Variants in MYO10 observed in about 807,000 individuals in gnomAD.
The protein encoded by MYO10 is unconventional myosin-X.
MYO10 carries 133 observed loss-of-function variants against 257.3 expected under a neutral mutation model. The observed-to-expected ratio is 0.52, with a 90% CI of 0.45 to 0.60. MYO10 has a LOEUF of 0.60. MYO10 is among the 20% of genes least tolerant of loss of function. The probability of loss-of-function intolerance (pLI) is 0.00; values close to 1 mark genes in which losing one functional copy is unlikely to be tolerated. For synonymous variants in MYO10, 1,104 were observed against 1,028.6 expected (o/e 1.07, Z -1.40); for missense variants, 2,399 against 2,635.7 (o/e 0.91, Z 1.97).
At chr5:16,845,546 A>G (rs927341211) in intron 2 of MYO10, among the ~76,000 whole-genome samples, 1 of 152,106 alleles carries the variant, frequency 6.6e-6, no homozygotes, top group Non-Finnish European at 1.5e-5. Flanking sequence ...CCACACTTAG[A>G]GTCCCAGCTA....
chr5:16,736,912 G>T (rs1435855961), intron 19 of MYO10, among the ~76,000 whole-genome samples: 3 of 152,080 alleles, frequency 2.0e-5, no homozygotes, highest in Non-Finnish European at 4.4e-5. Flanking sequence ...CTACTTATGT[G>T]TTATAATAAC....
At position 16,668,332 on chromosome 5, in the gene MYO10, G is replaced by A. The variant is rs761944829; in HGVS notation, c.6020C>T (p.Ala2007Val). 9.3e-6 allele frequency: 15 copies of A among 1,613,874 alleles called. No individual in the cohort carries two copies. Among genetic ancestry groups the A allele is most frequent in the East Asian group, 4.5e-5 (2 of 44,872 alleles). Residue 2007 changes from alanine (A) to valine (V), a missense_variant, in exon 40 of 41, where the codon GCG (alanine) becomes GTG (valine). Transcript: ENST00000513610. The stretch of plus-strand genomic sequence containing the variant: ...ATCGACCACGATCTTATACGTATTC[G>A]CCAGGGGTGCCCCAAAAGAGAGGAT... The part of the protein sequence containing the change: ...EHILSFGAPL[A>V]NTYKIVVDER...
At position 16,670,793 on chromosome 5, in the gene MYO10, G is replaced by C; in HGVS notation, c.5616C>G (p.Thr1872=). The C allele has an allele frequency of 1.2e-6, 2 of 1,614,030 alleles. No homozygotes were observed. The highest frequency in any genetic ancestry group is 1.7e-6 in the Non-Finnish European group (2 of 1,179,904). Residue 1872 remains threonine, a synonymous_variant, in exon 39 of 41, where the codon ACC becomes ACG. Transcript: ENST00000513610. ...ARISQSTKTF[T]PCERLEKRRT... ...GCCTCTTCTCCAGCCGTTCACAAGG[G>C]GTGAAGGTTTTGGTTGACTGGCTGA...
At chr5:16,707,098 G>A (rs1738380207) in intron 21 of MYO10, among the ~76,000 whole-genome samples, 2 of 152,164 alleles carry the variant, frequency 1.3e-5, no homozygotes, top group African/African-American at 4.8e-5. Flanking sequence ...TTAAAAAGGG[G>A]AGTTGCCCTG....
At chr5:16,831,915 C>T (rs1348280620) in intron 2 of MYO10, among the ~76,000 whole-genome samples, 1 of 151,994 alleles carries the variant, frequency 6.6e-6, no homozygotes, top group African/African-American at 2.4e-5. Flanking sequence ...TAATGTGTGG[C>T]AAGTTTATAG....
At chr5:16,782,746 A>G (rs1176250581) in intron 5 of MYO10, among the ~76,000 whole-genome samples, 2 of 152,196 alleles carry the variant, frequency 1.3e-5, no homozygotes, top group African/African-American at 4.8e-5. Flanking sequence ...CAAACCATCT[A>G]TCAGGCAATG....
At chr5:16,785,965 G>A (rs574067833) in intron 4 of MYO10, among the ~76,000 whole-genome samples, 8 of 152,126 alleles carry the variant, frequency 5.3e-5, no homozygotes, top group South Asian at 2.1e-4. Flanking sequence ...TGAGCCATGG[G>A]GCTATCAGCC....
chr5:16,787,239 C>G (rs142560077), intron 4 of MYO10, among the ~76,000 whole-genome samples: 1 of 152,098 alleles, frequency 6.6e-6, no homozygotes, highest in Non-Finnish European at 1.5e-5. Flanking sequence ...GGAAAGCAGC[C>G]TCACATAATT....
intron 3 of MYO10, chr5:16,815,584 C>G (rs967599809): frequency 3.2e-6 from 2 of 630,398 alleles, no homozygotes; most frequent in African/African-American, 3.7e-5. Context: ...CTACCAGGTG[C>G]CTGGCAGTGT....
chr5:16,775,992 C>T (rs1741199785), intron 9 of MYO10, among the ~76,000 whole-genome samples: 1 of 152,056 alleles, frequency 6.6e-6, no homozygotes, highest in South Asian at 2.1e-4. Flanking sequence ...ATCTCCCAGA[C>T]TCAAGCCATC....
chr5:16,775,118 T>C (rs901386727), intron 9 of MYO10, among the ~76,000 whole-genome samples: 1 of 152,138 alleles, frequency 6.6e-6, no homozygotes, highest in Non-Finnish European at 1.5e-5. Flanking sequence ...ATGCAAGCAA[T>C]AAAATAAACC....
At chr5:16,710,337 T>C (rs1041867147) in intron 21 of MYO10, among the ~76,000 whole-genome samples, 63 of 152,230 alleles carry the variant, frequency 4.1e-4, no homozygotes, top group African/African-American at 1.5e-3. Flanking sequence ...TAATTTTTTA[T>C]GTTCAGGCCC....
intron 2 of MYO10, among the ~76,000 whole-genome samples, chr5:16,835,291 T>C (rs2126721573): frequency 6.6e-6 from 1 of 151,898 alleles, no homozygotes; most frequent in Non-Finnish European, 1.5e-5. Flanking sequence ...ATCCCAGCAC[T>C]TTGAGATAGG....
Position 16,681,338 on chromosome 5 carries a change from GGGACGA to G in MYO10, c.4349_4354del (p.Val1450_Pro1452delinsAla). ...CTCTTTGAATATCTTCTCATCTGGG[GGGACGA>G]CAGAGCAGAGGCTGTTGAGGACCAG... On this transcript the variant is annotated inframe_deletion, in exon 32 of 41. Transcript: ENST00000513610. 3.7e-6 allele frequency: 6 copies of G among 1,612,990 alleles called. No individual in the cohort carries two copies. Among genetic ancestry groups the G allele is most frequent in the Non-Finnish European group, 5.1e-6 (6 of 1,179,666 alleles).
Position 16,670,849 on chromosome 5 carries a change from C to G in MYO10, c.5560G>C (p.Val1854Leu). Residue 1854 changes from valine (V) to leucine (L), a missense_variant, in exon 39 of 41, where the codon GTT (valine) becomes CTT (leucine). Physicochemically the swap from Val to Leu is conservative, Grantham distance 32. Transcript: ENST00000513610. ...LHAAIPPLEEVYSLQRLKARI... is the reference protein window; with the variant it reads ...LHAAIPPLEELYSLQRLKARI... The stretch of plus-strand genomic sequence containing the variant: ...GCCTTGAGTCTCTGCAGGGAATAAA[C>G]CTCTTCGAGAGGTGGGATGGCAGCG... 1 of 1,613,956 alleles carries G rather than the reference C, an allele frequency of 6.2e-7. No homozygotes were observed. Among genetic ancestry groups the G allele is most frequent in the Non-Finnish European group, 8.5e-7 (1 of 1,179,894 alleles).
chr5:16,893,196 C>CAAACA (rs538239809), intron 1 of MYO10, among the ~76,000 whole-genome samples: 2 of 69,614 alleles, frequency 2.9e-5, no homozygotes, highest in Non-Finnish European at 5.3e-5. Context: ...GACTCTGTCT[C>CAAACA]AAAAAAAAAA....
rs529064478 is a variant in MYO10, at chr5:16,710,911, G to T, written c.2166C>A (p.Thr722=). 3.7e-6 allele frequency: 6 copies of T among 1,612,958 alleles called. No individual in the cohort carries two copies. In the East Asian group the frequency reaches 1.3e-4, roughly 36 times the overall value. The change falls in exon 21 of 41, where the codon ACC becomes ACA. Residue 722 remains threonine, a synonymous_variant. Coordinates refer to ENST00000513610, the MANE Select transcript of MYO10 (RefSeq NM_012334.3). ...ASNSEWQLGK[T]KVFLRESLEQ... is the part of the protein sequence containing the mutation. ...TTGCTCTTTCTCCGCATCGTACCTT[G>T]GTCTTCCCCAGCTGCCACTCGCTGT... is the stretch of plus-strand genomic sequence containing the variant.
intron 19 of MYO10, among the ~76,000 whole-genome samples, chr5:16,731,968 T>C (rs548839429): frequency 6.6e-6 from 1 of 151,614 alleles, no homozygotes; most frequent in South Asian, 2.1e-4. Flanking sequence ...GGAAAGAAAA[T>C]GAGGAAATTC....
At chr5:16,778,692 T>A (rs1350354719) in intron 9 of MYO10, among the ~76,000 whole-genome samples, 2 of 15,016 alleles carry the variant, frequency 1.3e-4, no homozygotes, top group Non-Finnish European at 7.9e-4. Context: ...GCTGAGGTTT[T>A]TTTTTTTTTT....
Sources: gnomAD v4.1 joint callset for allele counts (sites outside exome capture counted in the v4.1 genomes callset) on GRCh38, gnomAD v4.1.1 for gene constraint, MANE v1.5 for transcripts, NCBI Gene and HGNC (gene_info 2026-07-23, HGNC 2026-07-21) for gene names.